The following SLIT2 variants were observed in gnomAD, a reference collection of about 807,000 sequenced individuals.
The protein encoded by SLIT2 is slit homolog 2 protein.
SLIT2 carries 41 observed loss-of-function variants against 185.7 expected under a neutral mutation model. That is an observed-to-expected ratio of 0.22 (90% CI 0.17 to 0.29). The LOEUF is 0.29. SLIT2 is among the 10% of genes least tolerant of loss of function. The probability of loss-of-function intolerance (pLI) is 1.00; values close to 1 mark genes in which losing one functional copy is unlikely to be tolerated. For missense variants in SLIT2, 1,571 were observed against 1,909.0 expected (o/e 0.82, Z 3.30); for synonymous variants, 693 against 680.2 (o/e 1.02, Z -0.29).
chr4:20,461,795 A>G (rs973574117), intron 4 of SLIT2, among the ~76,000 whole-genome samples: 11 of 152,198 alleles, frequency 7.2e-5, no homozygotes, highest in Non-Finnish European at 1.6e-4. Context: ...AGAAGGCTTC[A>G]GGAAGATGTG....
chr4:20,289,794 G>A (rs1715623955), intron 4 of SLIT2, among the ~76,000 whole-genome samples: 1 of 152,146 alleles, frequency 6.6e-6, no homozygotes, highest in South Asian at 2.1e-4. Context: ...AGGGGAGGAG[G>A]GAGGAGCCCT....
chr4:20,378,065 A>G (rs1351674541), intron 4 of SLIT2, among the ~76,000 whole-genome samples: 1 of 152,162 alleles, frequency 6.6e-6, no homozygotes, highest in African/African-American at 2.4e-5. Context: ...GTATTATTAT[A>G]CTGAGATGCA....
intron 3 of SLIT2, among the ~76,000 whole-genome samples, chr4:20,259,352 A>G (rs1426578505): frequency 1.3e-5 from 2 of 151,904 alleles, no homozygotes; most frequent in African/African-American, 2.4e-5. Flanking sequence ...TATAATTCAA[A>G]TGTTTGGTAA....
chr4:20,546,049 AT>A lies in SLIT2; in HGVS notation c.2298del (p.Phe766LeufsTer14). ...VTELYLDGNQ[F>X]TLVPKELSNY... ...TTTTTAGGTATCTGGATGGAAACCA[AT>A]TTACACTGGTTCCCAAGGAACTCTC... On this transcript the variant is annotated frameshift_variant, in exon 22 of 37. Transcript: ENST00000504154. LOFTEE classifies it high-confidence loss of function. 6.3e-7 allele frequency: 1 copy of A among 1,579,770 alleles called. No homozygotes were observed. Among genetic ancestry groups the A allele is most frequent in the Non-Finnish European group, 8.7e-7 (1 of 1,155,230 alleles).
intron 4 of SLIT2, among the ~76,000 whole-genome samples, chr4:20,465,404 A>G (rs1256792432): frequency 2.6e-5 from 4 of 152,166 alleles, no homozygotes; most frequent in Non-Finnish European, 5.9e-5. Context: ...TGCATTTAGT[A>G]GGTACTAAAA....
Position 20,528,869 on chromosome 4 carries a change from T to C in SLIT2, c.1463-80T>C. 8.7e-7 allele frequency: 1 copy of C among 1,151,436 alleles called. No individual in the cohort carries two copies. Among genetic ancestry groups the C allele is most frequent in the Non-Finnish European group, 1.2e-6 (1 of 810,896 alleles). The allele number at this position is 1,151,436 out of a possible 1,614,324, so 71.3% of individuals were successfully genotyped here. A position where few individuals can be genotyped will look rare whatever the true frequency, so the allele number is the denominator to read the frequency against. On this transcript the variant is annotated intron_variant, in intron 15 of 36. Coordinates refer to ENST00000504154, the MANE Select transcript of SLIT2 (RefSeq NM_004787.4). This position sits in a 1 kb window ranked among gnomAD's most constrained non-coding sequence, Gnocchi z 4.2. ...CCCTGCTACATAATCTATAGTTATC[T>C]TACTTTTTTCTTCCTACAAACTAAT...
rs1007783619 is a variant in SLIT2, at chr4:20,412,332, G to A, written c.396-55420G>A. 2.0e-5 allele frequency among the ~76,000 whole-genome samples: 3 copies of A among 152,000 alleles called. No homozygotes were observed. The East Asian group carries it at 5.8e-4, about 29-fold the overall frequency. On this transcript the variant is annotated intron_variant, in intron 4 of 36. Coordinates refer to ENST00000504154, the MANE Select transcript of SLIT2 (RefSeq NM_004787.4). ...TATAGCTGAATAAAATGCAATATTTGCTATATGATTGATTTATTCTCTTAA... is the reference window on the plus strand; with the variant it reads ...TATAGCTGAATAAAATGCAATATTTACTATATGATTGATTTATTCTCTTAA...
At chr4:20,292,300 C>T (rs1716031532) in intron 4 of SLIT2, among the ~76,000 whole-genome samples, 1 of 152,124 alleles carries the variant, frequency 6.6e-6, no homozygotes, top group Non-Finnish European at 1.5e-5. Context: ...ATCGTTGCAG[C>T]CATTTACTCA....
chr4:20,319,828 C>A (rs1718907701), intron 4 of SLIT2, among the ~76,000 whole-genome samples: 5 of 151,118 alleles, frequency 3.3e-5, no homozygotes. Context: ...AAAACAAAAA[C>A]CATAACATCC....
chr4:20,399,748 T>G (rs868426241), intron 4 of SLIT2, among the ~76,000 whole-genome samples: 1 of 151,746 alleles, frequency 6.6e-6, no homozygotes. Context: ...TATTACACTA[T>G]GTAAGAGGGT....
chr4:20,286,471 C>G (rs1433361006), intron 4 of SLIT2, among the ~76,000 whole-genome samples: 1 of 152,104 alleles, frequency 6.6e-6, no homozygotes. Context: ...TTTATCTATA[C>G]AGTCCTCTGC....
chr4:20,525,166 A>G lies in SLIT2; in HGVS notation c.1456A>G (p.Ile486Val), dbSNP rs201337548. The change falls in exon 15 of 37, where the codon ATT becomes GTT. Residue 486 changes from isoleucine (I) to valine (V), a missense_variant. Physicochemically the swap from Ile to Val is conservative, Grantham distance 29. Coordinates refer to ENST00000504154, the MANE Select transcript of SLIT2 (RefSeq NM_004787.4). The part of the protein sequence containing the change: ...FRCSAKEQYF[I>V]PGTEDYRSKL... Reference sequence around the variant, plus strand: ...TTATTTAGCTAAAGAACAGTATTTCATTCCAGGTAGGTTTTGCTCGGTAGT... The same window carrying G: ...TTATTTAGCTAAAGAACAGTATTTCGTTCCAGGTAGGTTTTGCTCGGTAGT... 2.9e-5 allele frequency: 46 copies of G among 1,609,076 alleles called. No individual in the cohort carries two copies. Among genetic ancestry groups the G allele is most frequent in the Non-Finnish European group, 1.7e-6 (2 of 1,175,798 alleles).
At chr4:20,490,559 T>C (rs1717696093) in intron 8 of SLIT2, among the ~76,000 whole-genome samples, 1 of 152,146 alleles carries the variant, frequency 6.6e-6, no homozygotes, top group Non-Finnish European at 1.5e-5. Flanking sequence ...CGTAAGTAGT[T>C]CACAGATTTT....
At chr4:20,385,507 G>A (rs1179397427) in intron 4 of SLIT2, among the ~76,000 whole-genome samples, 1 of 152,250 alleles carries the variant, frequency 6.6e-6, no homozygotes, top group Non-Finnish European at 1.5e-5. Context: ...ACATGTTAAA[G>A]GAAAGGCAGT....
intron 9 of SLIT2, among the ~76,000 whole-genome samples, chr4:20,508,229 T>A (rs1313914323): frequency 6.6e-6 from 1 of 151,888 alleles, no homozygotes; most frequent in Non-Finnish European, 1.5e-5. Flanking sequence ...GAATAGAATA[T>A]AGTGGAATAA....
Position 20,252,891 on chromosome 4 carries a change from G to T in SLIT2, c.-925G>T, listed in dbSNP as rs1417074540. The stretch of plus-strand genomic sequence containing the variant: ...TCCGCCCCCAGTCAGTCCCCACTCA[G>T]TCTTCGCAGCAGCTCTCATCCTCCA... On this transcript the variant is annotated 5_prime_UTR_variant, in exon 1 of 37. Transcript: ENST00000504154. 6.6e-6 allele frequency among the ~76,000 whole-genome samples: 1 copy of T among 152,170 alleles called. No individual in the cohort carries two copies. Among genetic ancestry groups the T allele is most frequent in the Non-Finnish European group, 1.5e-5 (1 of 68,036 alleles).
rs540144609 is a variant in SLIT2, at chr4:20,309,376, A to T, written c.395+40495A>T. Among the ~76,000 whole-genome samples, 3 of 152,110 alleles carry T rather than the reference A, an allele frequency of 2.0e-5. No homozygotes were observed. In the South Asian group the frequency reaches 6.2e-4, roughly 32 times the overall value. On this transcript the variant is annotated intron_variant, in intron 4 of 36. Coordinates refer to ENST00000504154, the MANE Select transcript of SLIT2 (RefSeq NM_004787.4). ...AGCAGTGAAACCTCTTTCTGCTTTT[A>T]ACAGATCTTTTTTTTTCTTTATCCA... is the stretch of plus-strand genomic sequence containing the variant.
intron 4 of SLIT2, among the ~76,000 whole-genome samples, chr4:20,353,020 T>A (rs1722013070): frequency 6.6e-6 from 1 of 152,210 alleles, no homozygotes; most frequent in South Asian, 2.1e-4. Context: ...CATCTAGAGA[T>A]GCAATTTGAA....
intron 4 of SLIT2, among the ~76,000 whole-genome samples, chr4:20,340,166 G>A (rs566928462): frequency 2.0e-5 from 3 of 152,146 alleles, no homozygotes; most frequent in Non-Finnish European, 4.4e-5. Context: ...TTTGATACAG[G>A]CATGAAATGT....
Sources: allele counts gnomAD v4.1 joint callset (sites outside exome capture counted in the v4.1 genomes callset), GRCh38; gene constraint gnomAD v4.1.1; non-coding constraint Gnocchi (gnomAD v3.1); transcripts MANE v1.5; gene names NCBI Gene and HGNC (gene_info 2026-07-23, HGNC 2026-07-21).